The following ATP2B2 variants were observed in gnomAD, a reference collection of about 807,000 sequenced individuals.
ATP2B2 encodes ATPase plasma membrane Ca2+ transporting 2.
A neutral mutation model predicts 120.0 loss-of-function variants in ATP2B2; 15 were observed. That is an observed-to-expected ratio of 0.12 (90% CI 0.08 to 0.19). The LOEUF (loss-of-function observed/expected upper bound fraction) is 0.19, where lower values mean the gene tolerates loss of function less well. Ranked by LOEUF, ATP2B2 falls within the 10% of genes least tolerant of loss-of-function variation. The pLI is 1.00. For synonymous variants in ATP2B2, 694 were observed against 700.3 expected (o/e 0.99, Z 0.14); for missense variants, 1,045 against 1,719.8 (o/e 0.61, Z 6.94).
chr3:10,361,898 G>A (rs892812715), intron 12 of ATP2B2, among the ~76,000 whole-genome samples: 1 of 152,162 alleles, frequency 6.6e-6, no homozygotes, highest in African/African-American at 2.4e-5. Context: ...CAGAGTGGTG[G>A]GGGAGACTGG....
At position 10,346,156 on chromosome 3, in the gene ATP2B2, G is replaced by A. The variant is rs756899005; in HGVS notation, c.2405-19C>T. 36 of 1,606,746 alleles carry A rather than the reference G, an allele frequency of 2.2e-5. No individual in the cohort carries two copies. Among genetic ancestry groups the A allele is most frequent in the Non-Finnish European group, 3.1e-5 (36 of 1,178,948 alleles). On this transcript the variant is annotated intron_variant, in intron 16 of 22. Transcript: ENST00000360273. The surrounding 1 kb of genome is among the most constrained non-coding windows in gnomAD (Gnocchi z 4.1). ...ATGATGCCTGTTGGGGCAGGAGTGTGCTCAGGCCCTGGGCCACTCAGGTGG... is the reference window on the plus strand; with the variant it reads ...ATGATGCCTGTTGGGGCAGGAGTGTACTCAGGCCCTGGGCCACTCAGGTGG...
chr3:10,507,889 T>A (rs1265613623), upstream of ATP2B2, among the ~76,000 whole-genome samples: 1 of 152,136 alleles, frequency 6.6e-6, no homozygotes, highest in African/African-American at 2.4e-5. Context: ...ACCAAACTTG[T>A]GACGGAGGCC....
At chr3:10,429,105 C>A (rs2063231706) in intron 2 of ATP2B2, among the ~76,000 whole-genome samples, 1 of 152,176 alleles carries the variant, frequency 6.6e-6, no homozygotes, top group African/African-American at 2.4e-5. Context: ...TCAGGCCCCA[C>A]CTCCCAGCCT....
intron 1 of ATP2B2, among the ~76,000 whole-genome samples, chr3:10,674,351 G>C (rs939223057): frequency 2.0e-5 from 3 of 152,216 alleles, no homozygotes; most frequent in Admixed American, 2.0e-4. Flanking sequence ...TTAGGTCCTG[G>C]ATTAAGCTTG....
intron 1 of ATP2B2, among the ~76,000 whole-genome samples, chr3:10,456,733 T>C (rs2064275998): frequency 6.6e-6 from 1 of 152,252 alleles, no homozygotes; most frequent in South Asian, 2.1e-4. Context: ...CTCCAGCTTG[T>C]TGGCACAGCA....
In ATP2B2 at chr3:10,547,592, C is replaced by T. The variant is rs114296045; in HGVS notation, c.-414-13459G>A. ...TGCCCATTATTCCACTCACTGTACC[C>T]ATTTCACAGATGAGAAAACAGGCCC... On this transcript the variant is annotated intron_variant, in intron 2 of 21. Coordinates refer to the ATP2B2 transcript ENST00000646379. Among the ~76,000 whole-genome samples the T allele has an allele frequency of 6.0e-4, 91 of 152,322 alleles. 1 individual carries two copies. The highest frequency in any genetic ancestry group is 2.0e-3 in the African/African-American group (85 of 41,568).
intron 2 of ATP2B2, among the ~76,000 whole-genome samples, chr3:10,417,821 G>A (rs926362037): frequency 6.6e-6 from 1 of 152,186 alleles, no homozygotes; most frequent in Non-Finnish European, 1.5e-5. Context: ...GTGGGGAGAA[G>A]GGCTGTGAAA....
chr3:10,453,974 G>T (rs188695887), intron 1 of ATP2B2, among the ~76,000 whole-genome samples: 3 of 137,382 alleles, frequency 2.2e-5, no homozygotes, highest in Non-Finnish European at 4.6e-5. Flanking sequence ...CCATGCACTC[G>T]CTCACTCACT....
At chr3:10,615,082 G>C (rs1433129517) in intron 2 of ATP2B2, among the ~76,000 whole-genome samples, 2 of 152,170 alleles carry the variant, frequency 1.3e-5, no homozygotes, top group Non-Finnish European at 2.9e-5. Flanking sequence ...AGAGAACAGG[G>C]GGCTGGTGGG....
chr3:10,529,724 G>C (rs1212155307), intron 3 of ATP2B2, among the ~76,000 whole-genome samples: 1 of 152,164 alleles, frequency 6.6e-6, no homozygotes, highest in Non-Finnish European at 1.5e-5. Context: ...CAGAATGTGA[G>C]GTACAGATGG....
At position 10,577,462 on chromosome 3, in the gene ATP2B2, C is replaced by T. The variant is rs79292490; in HGVS notation, c.-415+42455G>A. 6.0e-3 allele frequency among the ~76,000 whole-genome samples: 909 copies of T among 152,358 alleles called. 9 individuals carry two copies. The highest frequency in any genetic ancestry group is 0.02 in the African/African-American group (841 of 41,588). On this transcript the variant is annotated intron_variant, in intron 2 of 21. Coordinates refer to the ATP2B2 transcript ENST00000646379. ...AGACTTTTGGTGTCCTCTTCCTCAG[C>T]TTTAATCCCCAAGGCCATCAGGGGA...
At chr3:10,341,146 G>A (rs1574952847) in intron 19 of ATP2B2, among the ~76,000 whole-genome samples, 1 of 152,098 alleles carries the variant, frequency 6.6e-6, no homozygotes, top group Non-Finnish European at 1.5e-5. Context: ...TCATGGGGCT[G>A]TTACTAGAGA....
intron 12 of ATP2B2, among the ~76,000 whole-genome samples, chr3:10,370,720 GT>G (rs1307930916): frequency 1.3e-5 from 2 of 152,192 alleles, no homozygotes; most frequent in African/African-American, 4.8e-5. Flanking sequence ...GATCGAGAAG[GT>G]TGCAGCTGGC....
At chr3:10,502,057 A>T (rs2066416108) in intron 1 of ATP2B2, among the ~76,000 whole-genome samples, 1 of 152,164 alleles carries the variant, frequency 6.6e-6, no homozygotes, top group Non-Finnish European at 1.5e-5. Context: ...AAGGCAGAGG[A>T]GGGCAGTGGG....
At chr3:10,507,558 A>G (rs930676243), upstream of ATP2B2, among the ~76,000 whole-genome samples, 3 of 152,128 alleles carry the variant, frequency 2.0e-5, no homozygotes, top group Admixed American at 6.5e-5. Context: ...TGCACCTCCC[A>G]TCTGTTGCCA....
At chr3:10,471,431 T>C (rs2064999080) in intron 1 of ATP2B2, among the ~76,000 whole-genome samples, 1 of 151,784 alleles carries the variant, frequency 6.6e-6, no homozygotes, top group East Asian at 1.9e-4. Flanking sequence ...TGCGTGTGCA[T>C]GTGCAGATGT....
intron 1 of ATP2B2, among the ~76,000 whole-genome samples, chr3:10,640,193 C>T (rs2070133791): frequency 6.6e-6 from 1 of 152,152 alleles, no homozygotes; most frequent in East Asian, 1.9e-4. Flanking sequence ...GACAAGGAAG[C>T]AGGATTTGAA....
chr3:10,707,694 C>T (rs1174376329), intron 1 of ATP2B2, among the ~76,000 whole-genome samples: 2 of 152,060 alleles, frequency 1.3e-5, no homozygotes, highest in Non-Finnish European at 2.9e-5. Flanking sequence ...CCCGGCCCGC[C>T]CCGCCCGCCG....
intron 1 of ATP2B2, among the ~76,000 whole-genome samples, chr3:10,683,946 A>T (rs1251321354): frequency 1.3e-5 from 2 of 151,590 alleles, no homozygotes; most frequent in African/African-American, 4.8e-5. Context: ...GACTTAAATT[A>T]TAATCTTTAT....
Sources: allele counts gnomAD v4.1 joint callset (sites outside exome capture counted in the v4.1 genomes callset), GRCh38; gene constraint gnomAD v4.1.1; non-coding constraint Gnocchi (gnomAD v3.1); transcripts MANE v1.5; gene names NCBI Gene and HGNC (gene_info 2026-07-23, HGNC 2026-07-21).